MBNL2: variants seen among roughly 807,000 people sequenced by gnomAD.
MBNL2 encodes muscleblind like splicing regulator 2, also known as muscleblind-like protein 2.
Under a neutral mutation model 41.9 loss-of-function variants are expected in MBNL2, and 17 were observed. That is an observed-to-expected ratio of 0.41 (90% CI 0.28 to 0.61). The LOEUF (loss-of-function observed/expected upper bound fraction) is 0.61, where lower values mean the gene tolerates loss of function less well. Among genes scored for constraint, MBNL2 ranks in the 20% least tolerant of loss-of-function variants. The probability of loss-of-function intolerance (pLI) is 0.35; values close to 1 mark genes in which losing one functional copy is unlikely to be tolerated. For synonymous variants in MBNL2, 195 were observed against 182.9 expected (o/e 1.07, Z -0.53); for missense variants, 336 against 505.6 (o/e 0.66, Z 3.22).
chr13:97,218,337 G>T (rs1298312495), upstream of MBNL2, among the ~76,000 whole-genome samples: 1 of 151,212 alleles, frequency 6.6e-6, no homozygotes, highest in African/African-American at 2.4e-5. Flanking sequence ...GTGAACCCGG[G>T]AGGCGGAGTT....
chr13:97,356,203 C>T (rs1184976767), intron 5 of MBNL2, among the ~76,000 whole-genome samples: 2 of 152,024 alleles, frequency 1.3e-5, no homozygotes, highest in Admixed American at 6.6e-5. Flanking sequence ...GATCCAAACC[C>T]AACAGTTTCG....
At chr13:97,149,196 CATT>C in the MBNL2 span, among the ~76,000 whole-genome samples, 2 of 152,154 alleles carry the variant, frequency 1.3e-5, no homozygotes, top group Non-Finnish European at 2.9e-5. Flanking sequence ...GGAAGCGTAA[CATT>C]ATGCTTCCTA....
At chr13:97,347,450 A>G (rs2061989414) in intron 5 of MBNL2, among the ~76,000 whole-genome samples, 1 of 152,198 alleles carries the variant, frequency 6.6e-6, no homozygotes, top group Non-Finnish European at 1.5e-5. Context: ...GCACCTGAGC[A>G]CGAGGAGGCA....
Position 97,365,166 on chromosome 13 carries a change from G to A in MBNL2, c.1043G>A (p.Ser348Asn). The change falls in exon 8 of 9, where the codon AGT (serine) becomes AAT (asparagine). Residue 348 changes from serine to asparagine, a missense_variant. Physicochemically the swap from Ser to Asn is conservative, Grantham distance 46. Transcript: ENST00000679496. ...GSVLCMTPAT[S>N]IDNSEIISRN... is the part of the protein sequence containing the mutation. ...GTTTTGTGCATGACACCCGCTACCA[G>A]TATTGGTAGGTTTCAACCTTTTTTA... The A allele has an allele frequency of 6.2e-7, 1 of 1,601,450 alleles. No homozygotes were observed. Among genetic ancestry groups the A allele is most frequent in the Non-Finnish European group, 8.6e-7 (1 of 1,168,534 alleles).
the MBNL2 span, among the ~76,000 whole-genome samples, chr13:97,165,403 A>T: frequency 6.6e-6 from 1 of 152,136 alleles, no homozygotes; most frequent in Non-Finnish European, 1.5e-5. Context: ...TAAAGCACTG[A>T]CCCAAGATGA....
intron 8 of MBNL2, among the ~76,000 whole-genome samples, chr13:97,382,996 A>G (rs1408586361): frequency 5.3e-5 from 8 of 152,208 alleles, no homozygotes; most frequent in African/African-American, 1.9e-4. Context: ...GTCTTTGCTT[A>G]AAACACTTCT....
At chr13:97,232,851 A>AGGTGTG (rs2042571638) in intron 1 of MBNL2, among the ~76,000 whole-genome samples, 1 of 130,490 alleles carries the variant, frequency 7.7e-6, no homozygotes, top group African/African-American at 3.0e-5. Context: ...TCTTGACGCT[A>AGGTGTG]TGTGTGTGTG....
chr13:97,393,914 A>G lies in MBNL2; in HGVS notation c.*2465A>G, dbSNP rs533985142. 6.5e-6 allele frequency: 1 copy of G among 152,718 alleles called. No individual in the cohort carries two copies. Among genetic ancestry groups the G allele is most frequent in the South Asian group, 2.1e-4 (1 of 4,828 alleles). The allele number at this position is 152,718 out of a possible 1,614,324, so 9.5% of individuals were successfully genotyped here. On this transcript the variant is annotated 3_prime_UTR_variant, in exon 9 of 9. Coordinates refer to ENST00000679496, the MANE Select transcript of MBNL2 (RefSeq NM_001382683.1). The stretch of plus-strand genomic sequence containing the variant: ...ACATTTCACTCTTGGTTTTCAGGAT[A>G]TAACAGCACTTCACCGAAATATTCT...
At chr13:97,173,498 C>T in the MBNL2 span, among the ~76,000 whole-genome samples, 1 of 152,176 alleles carries the variant, frequency 6.6e-6, no homozygotes, top group Non-Finnish European at 1.5e-5. Context: ...TTTCATTTGT[C>T]CCAGTTTTTG....
At chr13:97,171,828 G>C in the MBNL2 span, among the ~76,000 whole-genome samples, 1 of 152,150 alleles carries the variant, frequency 6.6e-6, no homozygotes, top group Non-Finnish European at 1.5e-5. Flanking sequence ...CATGGGGGCA[G>C]TTTCCCCAGT....
intron 1 of MBNL2, among the ~76,000 whole-genome samples, chr13:97,264,400 T>A (rs2049308612): frequency 6.6e-6 from 1 of 152,226 alleles, no homozygotes; most frequent in Non-Finnish European, 1.5e-5. Context: ...ATGCCTTTTA[T>A]CAAACCTGTG....
chr13:97,159,637 A>G, the MBNL2 span, among the ~76,000 whole-genome samples: 1 of 149,482 alleles, frequency 6.7e-6, no homozygotes, highest in Non-Finnish European at 1.5e-5. Context: ...AAAGTATTTT[A>G]TTTCTCCTTC....
rs530427636 is a variant in MBNL2, at chr13:97,305,093, A to C, written c.174+28684A>C. On this transcript the variant is annotated intron_variant, in intron 2 of 8. Coordinates refer to ENST00000679496, the MANE Select transcript of MBNL2 (RefSeq NM_001382683.1). ...TTAATTACCAGCCCACCCTGGATCA[A>C]GTAAGTGCTAATTACCACCTTCACA... Among the ~76,000 whole-genome samples, 3 of 152,374 alleles carry C rather than the reference A, an allele frequency of 2.0e-5. No homozygotes were observed. The South Asian group carries it at 6.2e-4, about 32-fold the overall frequency.
At chr13:97,197,167 G>A in the MBNL2 span, among the ~76,000 whole-genome samples, 1 of 152,132 alleles carries the variant, frequency 6.6e-6, no homozygotes, top group South Asian at 2.1e-4. Context: ...TCTAGTTGAA[G>A]TAACAAATGC....
rs1360364352 is a variant in MBNL2 at position 97,366,529 on chromosome 13, C to T, written c.1048+1358C>T. On this transcript the variant is annotated intron_variant, in intron 8 of 8. Transcript: ENST00000679496. The surrounding 1 kb of genome is among the most constrained non-coding windows in gnomAD (Gnocchi z 4.7). ...CAACTCCTGCAACAAGTGTCCCCTT[C>T]GCAGCAACAGCCACAGCCAATCAGG... 10 of 1,612,802 alleles carry T rather than the reference C, an allele frequency of 6.2e-6. No homozygotes were observed. The highest frequency in any genetic ancestry group is 1.1e-5 in the South Asian group (1 of 91,054).
intron 2 of MBNL2, among the ~76,000 whole-genome samples, chr13:97,297,691 A>AG (rs763092525): frequency 1.3e-5 from 2 of 152,216 alleles, no homozygotes; most frequent in African/African-American, 2.4e-5. Context: ...ATAGAGACTA[A>AG]GATGCTGCTT....
chr13:97,369,179 C>T (rs914929489), intron 8 of MBNL2, among the ~76,000 whole-genome samples: 1 of 152,190 alleles, frequency 6.6e-6, no homozygotes, highest in Non-Finnish European at 1.5e-5. Flanking sequence ...AGCATCCAGT[C>T]ATAGGAAACC....
the MBNL2 span, among the ~76,000 whole-genome samples, chr13:97,178,001 A>G: frequency 8.5e-5 from 13 of 152,318 alleles, no homozygotes; most frequent in Admixed American, 2.6e-4. Context: ...CCTCCTATGT[A>G]TGTGTTCTTG....
intron 1 of MBNL2, among the ~76,000 whole-genome samples, chr13:97,228,020 A>G (rs999067865): frequency 7.9e-5 from 12 of 152,140 alleles, no homozygotes; most frequent in African/African-American, 2.4e-4. Flanking sequence ...AAAGCATTCA[A>G]TTTTCCCATG....
Sources: gnomAD v4.1 joint callset for allele counts (sites outside exome capture counted in the v4.1 genomes callset) on GRCh38, gnomAD v4.1.1 for gene constraint, Gnocchi (gnomAD v3.1) non-coding constraint, MANE v1.5 for transcripts, NCBI Gene and HGNC (gene_info 2026-07-23, HGNC 2026-07-21) for gene names.